Variants in GAK observed in about 807,000 individuals in gnomAD.
GAK encodes the protein cyclin G associated kinase, also known as cyclin-G-associated kinase.
Under a neutral mutation model 143.9 loss-of-function variants are expected in GAK, and 79 were observed. The observed-to-expected ratio is 0.55, with a 90% CI of 0.46 to 0.66. The LOEUF is 0.66. Ranked by LOEUF, GAK falls within the 30% of genes least tolerant of loss-of-function variation. The pLI, the probability that GAK is intolerant of heterozygous loss-of-function variation, is 0.00. For synonymous variants in GAK, 881 were observed against 765.5 expected (o/e 1.15, Z -2.49); for missense variants, 1,693 against 1,779.7 (o/e 0.95, Z 0.88).
At position 859,788 on chromosome 4, in the gene GAK, T is replaced by C. The variant is rs560640799; in HGVS notation, c.3167-66A>G. The C allele has an allele frequency of 1.2e-5, 14 of 1,154,350 alleles. No individual in the cohort carries two copies. In the African/African-American group the frequency reaches 2.2e-4, roughly 18 times the overall value. The allele number at this position is 1,154,350 out of a possible 1,614,324, so 71.5% of individuals were successfully genotyped here. A position where few individuals can be genotyped will look rare whatever the true frequency, so the allele number is the denominator to read the frequency against. On this transcript the variant is annotated intron_variant, in intron 23 of 27. Coordinates refer to ENST00000314167, the MANE Select transcript of GAK (RefSeq NM_005255.4). The stretch of plus-strand genomic sequence containing the variant: ...AAGCGAAACACATCCTCCTGGGACC[T>C]CCGATGGCGCCTCCTTACGACATGA...
intron 1 of GAK, among the ~76,000 whole-genome samples, chr4:916,322 T>C (rs1723083676): frequency 6.6e-6 from 1 of 152,192 alleles, no homozygotes. Flanking sequence ...GCAGTGGCAC[T>C]ATCACAACCC....
At chr4:854,780 T>C (rs1356082906) in intron 24 of GAK, among the ~76,000 whole-genome samples, 1 of 152,220 alleles carries the variant, frequency 6.6e-6, no homozygotes, top group Non-Finnish European at 1.5e-5. Flanking sequence ...GTGCGGTGGC[T>C]CACGCCTGTA....
At chr4:917,243 A>G (rs1454776520) in intron 1 of GAK, among the ~76,000 whole-genome samples, 3 of 152,226 alleles carry the variant, frequency 2.0e-5, no homozygotes, top group African/African-American at 7.2e-5. Context: ...GGCCAAAAAA[A>G]GAGAGTACAT....
intron 19 of GAK, 61 bp from the exon 20 acceptor site, chr4:868,746 A>AC: frequency 1.3e-6 from 2 of 1,502,666 alleles, no homozygotes; most frequent in Non-Finnish European, 1.8e-6. Context: ...GGCAACACTG[A>AC]CCCCAGAGCT....
chr4:927,110 C>A (rs531713601), intron 1 of GAK, among the ~76,000 whole-genome samples: 10 of 66,204 alleles, frequency 1.5e-4, no homozygotes, highest in African/African-American at 3.9e-4. Context: ...CACCCCTCCC[C>A]GCTCACCTGC....
chr4:917,818 A>G (rs192401700), intron 1 of GAK, among the ~76,000 whole-genome samples: 1 of 152,396 alleles, frequency 6.6e-6, no homozygotes, highest in Admixed American at 6.5e-5. Flanking sequence ...AAATATTTAA[A>G]TAATAAATAA....
chr4:901,322 C>T (rs1448205298), intron 5 of GAK, among the ~76,000 whole-genome samples: 1 of 151,614 alleles, frequency 6.6e-6, no homozygotes, highest in Non-Finnish European at 1.5e-5. Context: ...GGGAGAGCCA[C>T]GGCCTTGGAT....
intron 5 of GAK, among the ~76,000 whole-genome samples, chr4:901,180 G>A (rs980834110): frequency 2.0e-5 from 3 of 152,246 alleles, no homozygotes; most frequent in Admixed American, 2.0e-4. Context: ...CCCTGGGTGG[G>A]CTGAGGCAGG....
chr4:868,833 A>AGG, intron 19 of GAK, 148 bp from the exon 20 acceptor site: 1 of 760,626 alleles, frequency 1.3e-6, no homozygotes, highest in East Asian at 2.7e-5. Context: ...CATGACGGGG[A>AGG]GGGGCTCTCT....
rs772120961 is a variant in GAK, at chr4:851,841, G to C, written c.3417C>G (p.Pro1139=). 9 of 1,609,186 alleles carry C rather than the reference G, an allele frequency of 5.6e-6. No individual in the cohort carries two copies. Among genetic ancestry groups the C allele is most frequent in the Admixed American group, 1.7e-5 (1 of 59,488 alleles). The change falls in exon 25 of 28, where the codon CCC becomes CCG. Residue 1139 remains proline, a synonymous_variant. Coordinates refer to ENST00000314167, the MANE Select transcript of GAK (RefSeq NM_005255.4). Reference sequence around the variant, plus strand: ...TAGGCCTTGGCTGTGTGCAGGCTTTGGGGGGCGGCTTGGCCTGAGGGGGCC... The same window carrying C: ...TAGGCCTTGGCTGTGTGCAGGCTTTCGGGGGCGGCTTGGCCTGAGGGGGCC... ...ASWPPQAKPP[P]KACTQPRPNY...
intron 22 of GAK, 149 bp downstream of exon 22, chr4:866,215 C>T: frequency 1.3e-6 from 1 of 749,452 alleles, no homozygotes; most frequent in Non-Finnish European, 2.2e-6. Context: ...GGACGTCCTG[C>T]AGGATGCTTG....
chr4:888,695 C>T, intron 11 of GAK, 152 bp downstream of exon 11: 1 of 904,420 alleles, frequency 1.1e-6, no homozygotes, highest in East Asian at 2.7e-5. Context: ...ATTCCGACTC[C>T]CTGGGAGAAG....
chr4:856,606 TCAC>T (rs369615026), intron 24 of GAK, among the ~76,000 whole-genome samples: 34 of 119,554 alleles, frequency 2.8e-4, no homozygotes, highest in South Asian at 1.3e-3. Flanking sequence ...TCACAGCTGC[TCAC>T]CACAGGTGCT....
intron 5 of GAK, among the ~76,000 whole-genome samples, chr4:904,185 G>A (rs1339362107): frequency 6.6e-6 from 1 of 151,734 alleles, no homozygotes; most frequent in Non-Finnish European, 1.5e-5. Context: ...CGCACACAGA[G>A]GCCTTGGCAG....
intron 24 of GAK, among the ~76,000 whole-genome samples, chr4:857,592 A>G (rs561041311): frequency 6.6e-6 from 1 of 152,218 alleles, no homozygotes; most frequent in Non-Finnish European, 1.5e-5. Context: ...CATACTGCAC[A>G]GAGGCGCCTG....
At chr4:865,017 C>T in intron 23 of GAK, 105 bp downstream of exon 23, 2 of 1,446,102 alleles carry the variant, frequency 1.4e-6, no homozygotes. Flanking sequence ...GCCCTTCCTT[C>T]CTTCTCTGCG....
chr4:871,179 C>G (rs939534978), intron 18 of GAK, among the ~76,000 whole-genome samples: 5 of 152,224 alleles, frequency 3.3e-5, no homozygotes, highest in Admixed American at 6.5e-5. Flanking sequence ...TGGGGATGCC[C>G]GCGACTGTGT....
At position 897,981 on chromosome 4, in the gene GAK, G is replaced by A. The variant is rs548421575; in HGVS notation, c.651+52C>T. 189 of 1,570,806 alleles carry A rather than the reference G, an allele frequency of 1.2e-4. 3 individuals are homozygous for A. In the South Asian group the frequency reaches 1.8e-3, roughly 15 times the overall value. ...GAAAACAGCACTCCGCACTCAGGGC[G>A]TGGAATGTGGGAAGGGCCAGCTTCC... On this transcript the variant is annotated intron_variant, in intron 6 of 27. Coordinates refer to ENST00000314167, the MANE Select transcript of GAK (RefSeq NM_005255.4).
At chr4:880,653 G>A (rs150660946) in intron 15 of GAK, among the ~76,000 whole-genome samples, 112 of 152,030 alleles carry the variant, frequency 7.4e-4, no homozygotes, top group African/African-American at 2.7e-3. Context: ...CTCTTCTGGG[G>A]TCCAGTTACG....
Sources: allele counts gnomAD v4.1 joint callset (sites outside exome capture counted in the v4.1 genomes callset), GRCh38; gene constraint gnomAD v4.1.1; transcripts MANE v1.5; gene names NCBI Gene and HGNC (gene_info 2026-07-23, HGNC 2026-07-21).